ZNF567: variants seen among roughly 807,000 people sequenced by gnomAD.
ZNF567 encodes zinc finger protein 567.
Under a neutral mutation model 53.9 loss-of-function variants are expected in ZNF567, and 36 were observed. That is an observed-to-expected ratio of 0.67 (90% CI 0.51 to 0.88). The LOEUF (loss-of-function observed/expected upper bound fraction) is 0.88, where lower values mean the gene tolerates loss of function less well. Ranked by LOEUF, ZNF567 falls within the 40% of genes least tolerant of loss-of-function variation. ZNF567 has a pLI of 0.00. For missense variants in ZNF567, 619 were observed against 764.7 expected, an observed-to-expected ratio of 0.81 and a Z score of 2.25; for synonymous variants, 224 against 260.4, an observed-to-expected ratio of 0.86 and a Z score of 1.35.
chr19:36,711,108 G>C (rs918621231), intron 3 of ZNF567: 5 of 151,998 alleles, frequency 3.3e-5, no homozygotes, highest in African/African-American at 1.2e-4. Flanking sequence ...GTCTCTCTCT[G>C]TCACCCAGAC....
chr19:36,688,762 G>T (rs1363169668), intron 1 of ZNF567, among the ~76,000 whole-genome samples: 2 of 145,028 alleles, frequency 1.4e-5, no homozygotes, highest in African/African-American at 5.2e-5. Flanking sequence ...AGCCGAGATC[G>T]TGCCACTGCA....
upstream of ZNF567, chr19:36,685,761 C>A (rs2038253450): frequency 6.6e-6 from 1 of 152,108 alleles, no homozygotes; most frequent in African/African-American, 2.4e-5. Flanking sequence ...ATATAACCAC[C>A]TCAAAAGTTT....
intron 5 of ZNF567, among the ~76,000 whole-genome samples, chr19:36,714,890 G>A (rs2039966687): frequency 6.6e-6 from 1 of 152,088 alleles, no homozygotes. Flanking sequence ...TTAAATAAAT[G>A]TTTATTGTTT....
At chr19:36,702,253 C>T (rs1289090271) in intron 3 of ZNF567, among the ~76,000 whole-genome samples, 2 of 152,076 alleles carry the variant, frequency 1.3e-5, no homozygotes, top group East Asian at 3.9e-4. Context: ...AATATTGGCC[C>T]CCACTGTCTT....
At chr19:36,701,450 A>G (rs2039180059) in intron 3 of ZNF567, among the ~76,000 whole-genome samples, 1 of 151,500 alleles carries the variant, frequency 6.6e-6, no homozygotes, top group South Asian at 2.1e-4. Context: ...CGCTTGGTGC[A>G]GAGCTGAGTT....
chr19:36,677,517 A>G, the ZNF567 span, among the ~76,000 whole-genome samples: 2 of 145,168 alleles, frequency 1.4e-5, no homozygotes, highest in African/African-American at 2.5e-5. Flanking sequence ...CTTTAATCCC[A>G]GCACTTTGGG....
the ZNF567 span, among the ~76,000 whole-genome samples, chr19:36,674,393 G>A: frequency 6.6e-6 from 1 of 152,170 alleles, no homozygotes; most frequent in Non-Finnish European, 1.5e-5. Context: ...GATAACCCTG[G>A]GAGTTCCCAA....
intron 3 of ZNF567, among the ~76,000 whole-genome samples, chr19:36,698,556 TC>T (rs1290538357): frequency 2.7e-5 from 4 of 146,682 alleles, no homozygotes; most frequent in Non-Finnish European, 6.1e-5. Context: ...GTAAAAGTGT[TC>T]CTATTTCTCC....
chr19:36,717,745 G>A (rs1329808227), intron 5 of ZNF567, among the ~76,000 whole-genome samples: 2 of 152,026 alleles, frequency 1.3e-5, no homozygotes, highest in Non-Finnish European at 2.9e-5. Context: ...GAGAAATGAA[G>A]GTTAAAGTTA....
chr19:36,691,150 T>C (rs1026897159), intron 2 of ZNF567, among the ~76,000 whole-genome samples: 2 of 149,934 alleles, frequency 1.3e-5, no homozygotes, highest in Admixed American at 1.3e-4. Flanking sequence ...GATTTTTTTG[T>C]TTTCTTGTTT....
chr19:36,675,735 G>C, the ZNF567 span, among the ~76,000 whole-genome samples: 2 of 152,116 alleles, frequency 1.3e-5, no homozygotes, highest in South Asian at 4.1e-4. Flanking sequence ...TGTGGTCCCA[G>C]CTACACAGGA....
intron 3 of ZNF567, among the ~76,000 whole-genome samples, chr19:36,703,274 G>C (rs1015519953): frequency 6.6e-6 from 1 of 152,082 alleles, no homozygotes; most frequent in Non-Finnish European, 1.5e-5. Context: ...CTGTCTGATC[G>C]GTCCTCTGGA....
chr19:36,692,495 C>T (rs2038668405), intron 2 of ZNF567, among the ~76,000 whole-genome samples: 1 of 152,144 alleles, frequency 6.6e-6, no homozygotes, highest in Non-Finnish European at 1.5e-5. Context: ...GCCTCAGCCT[C>T]CTGAGTAGCT....
chr19:36,727,010 C>CTTTCTTTCTTTCTTTCTTTCTTTTCTTTT (rs1555809300), downstream of ZNF567: 1 of 123,888 alleles, frequency 8.1e-6, no homozygotes, highest in Admixed American at 8.4e-5. Flanking sequence ...TTCTTTCTTT[C>CTTTCTTTCTTTCTTTCTTTCTTTTCTTTT]CTTTTTTTTT....
chr19:36,675,850 A>G, the ZNF567 span, among the ~76,000 whole-genome samples: 1 of 152,054 alleles, frequency 6.6e-6, no homozygotes, highest in South Asian at 2.1e-4. Context: ...CTCTGTCTCA[A>G]ACAAAAACAA....
chr19:36,682,547 T>C, the ZNF567 span, among the ~76,000 whole-genome samples: 1 of 150,464 alleles, frequency 6.6e-6, no homozygotes, highest in African/African-American at 2.4e-5. Context: ...TGTTGGAAAG[T>C]TTCTATGTCT....
At chr19:36,692,659 AG>A (rs2038678933) in intron 2 of ZNF567, among the ~76,000 whole-genome samples, 1 of 152,178 alleles carries the variant, frequency 6.6e-6, no homozygotes, top group Non-Finnish European at 1.5e-5. Flanking sequence ...TACAGGCATG[AG>A]CTACCTACTG....
chr19:36,686,826 A>C (rs1210633333), upstream of ZNF567: 3 of 152,184 alleles, frequency 2.0e-5, no homozygotes, highest in African/African-American at 7.2e-5. Context: ...GGGAGAAAAA[A>C]GGAAGCTGGG....
upstream of ZNF567, chr19:36,687,161 C>A (rs1206252961): frequency 6.6e-6 from 1 of 152,670 alleles, no homozygotes; most frequent in Admixed American, 6.5e-5. Context: ...CACAGCAGCA[C>A]TGTCATGATG....
Sources: allele counts gnomAD v4.1 joint callset (sites outside exome capture counted in the v4.1 genomes callset), GRCh38; gene constraint gnomAD v4.1.1; transcripts MANE v1.5; gene names NCBI Gene and HGNC (gene_info 2026-07-23, HGNC 2026-07-21).